SLC9A4: variants seen among roughly 807,000 people sequenced by gnomAD.
SLC9A4 encodes sodium/hydrogen exchanger 4.
In SLC9A4, 63 loss-of-function variants were observed where a neutral mutation model predicts 67.4. The observed-to-expected ratio is 0.93, with a 90% CI of 0.76 to 1.15. The LOEUF (loss-of-function observed/expected upper bound fraction) is 1.15. Among genes scored for constraint, SLC9A4 ranks in the 50% most tolerant of loss-of-function variants. The pLI is 0.00. For synonymous variants in SLC9A4, 393 were observed against 367.2 expected (o/e 1.07, Z -0.80); for missense variants, 1,089 against 987.7 (o/e 1.10, Z -1.38).
At chr2:102,517,662 T>C (rs995436740) in intron 8 of SLC9A4, among the ~76,000 whole-genome samples, 6 of 152,262 alleles carry the variant, frequency 3.9e-5, no homozygotes, top group African/African-American at 7.2e-5. Flanking sequence ...CCAATTACCC[T>C]AATTTAATTA....
At chr2:102,520,573 G>T (rs1054585742) in intron 9 of SLC9A4, among the ~76,000 whole-genome samples, 1 of 152,012 alleles carries the variant, frequency 6.6e-6, no homozygotes, top group Admixed American at 6.6e-5. Context: ...GTCATCTAAC[G>T]AAGTCATATA....
intron 2 of SLC9A4, among the ~76,000 whole-genome samples, chr2:102,486,576 A>C (rs968398435): frequency 6.6e-6 from 1 of 152,202 alleles, no homozygotes; most frequent in Admixed American, 6.5e-5. Flanking sequence ...GATGGGAGCC[A>C]AGAGGAGATA....
chr2:102,476,612 A>T (rs1444064433), intron 1 of SLC9A4, among the ~76,000 whole-genome samples: 2 of 152,112 alleles, frequency 1.3e-5, no homozygotes, highest in African/African-American at 4.8e-5. Context: ...GGGCTCTTCC[A>T]CCTCCTTTAC....
chr2:102,475,382 C>T (rs1053455420), intron 1 of SLC9A4, among the ~76,000 whole-genome samples: 1 of 152,340 alleles, frequency 6.6e-6, no homozygotes, highest in African/African-American at 2.4e-5. Flanking sequence ...AGAAATGGCT[C>T]AAGTCAATCT....
At chr2:102,503,210 A>G (rs1457930033) in intron 2 of SLC9A4, among the ~76,000 whole-genome samples, 1 of 152,234 alleles carries the variant, frequency 6.6e-6, no homozygotes, top group African/African-American at 2.4e-5. Flanking sequence ...TTGCAAAGAG[A>G]CAGGCACGTA....
rs576857345 is a variant in SLC9A4, at chr2:102,492,578, T to G, written c.721-10870T>G. ...AGCAGCTGAGACACACCGTACCATGTCCTAAGGCTGCATAGAGCAGGGGGG... is the reference window on the plus strand; with the variant it reads ...AGCAGCTGAGACACACCGTACCATGGCCTAAGGCTGCATAGAGCAGGGGGG... On this transcript the variant is annotated intron_variant, in intron 2 of 11. Transcript: ENST00000295269. 5.3e-5 allele frequency among the ~76,000 whole-genome samples: 8 copies of G among 152,184 alleles called. No homozygotes were observed. In the South Asian group the frequency reaches 1.7e-3, roughly 32 times the overall value.
intron 11 of SLC9A4, among the ~76,000 whole-genome samples, chr2:102,527,839 T>C (rs1001359964): frequency 6.6e-6 from 1 of 152,206 alleles, no homozygotes; most frequent in Non-Finnish European, 1.5e-5. Flanking sequence ...AAGTTGAACA[T>C]CTTTCACATT....
intron 2 of SLC9A4, among the ~76,000 whole-genome samples, chr2:102,482,715 C>A (rs1057172335): frequency 6.6e-6 from 1 of 152,184 alleles, no homozygotes; most frequent in African/African-American, 2.4e-5. Flanking sequence ...TTATCTGTGA[C>A]AAGACCAGGG....
chr2:102,497,304 A>G (rs7583683), intron 2 of SLC9A4, among the ~76,000 whole-genome samples: 22,071 of 152,068 alleles, frequency 0.15, 1,841 homozygotes, highest in African/African-American at 0.22. Context: ...CTACCTAGCC[A>G]TTGTACTCCT....
intron 4 of SLC9A4, among the ~76,000 whole-genome samples, chr2:102,506,441 T>G (rs1489271359): frequency 2.0e-5 from 3 of 152,222 alleles, no homozygotes; most frequent in Non-Finnish European, 4.4e-5. Context: ...TAGAGGAGAT[T>G]AACAGGAATA....
intron 5 of SLC9A4, 138 bp from the exon 6 acceptor site, chr2:102,508,709 C>A: frequency 1.6e-6 from 1 of 611,656 alleles, no homozygotes; most frequent in Non-Finnish European, 2.8e-6. Context: ...CTGAAATGAA[C>A]ATTGCAGCAT....
intron 11 of SLC9A4, among the ~76,000 whole-genome samples, chr2:102,531,996 C>G (rs550056294): frequency 1.3e-5 from 2 of 152,222 alleles, no homozygotes; most frequent in Non-Finnish European, 2.9e-5. Flanking sequence ...TTGGACAAGA[C>G]CAAGCATCTT....
intron 4 of SLC9A4, among the ~76,000 whole-genome samples, chr2:102,506,987 T>A (rs1430263078): frequency 6.6e-6 from 1 of 152,164 alleles, no homozygotes; most frequent in Non-Finnish European, 1.5e-5. Flanking sequence ...TCATCACAAC[T>A]AATAGTAGTT....
intron 11 of SLC9A4, among the ~76,000 whole-genome samples, chr2:102,528,566 A>C (rs1440933258): frequency 6.6e-6 from 1 of 152,132 alleles, no homozygotes; most frequent in Non-Finnish European, 1.5e-5. Context: ...TGCCTGGACG[A>C]CAGTTATTTC....
At chr2:102,485,568 A>G (rs943003392) in intron 2 of SLC9A4, among the ~76,000 whole-genome samples, 9 of 152,074 alleles carry the variant, frequency 5.9e-5, no homozygotes, top group African/African-American at 1.7e-4. Context: ...ATTTCTCTCC[A>G]TGCCATTCCC....
At chr2:102,490,881 C>G (rs867167820) in intron 2 of SLC9A4, among the ~76,000 whole-genome samples, 2 of 152,192 alleles carry the variant, frequency 1.3e-5, no homozygotes, top group Non-Finnish European at 2.9e-5. Context: ...CAACAGGTCT[C>G]TCCCTTCATA....
rs886960279 is a variant in SLC9A4 at position 102,532,504 on chromosome 2, G to A, written c.2213G>A (p.Gly738Asp). ...QRNTSQEEYL[G>D]GVRRVALRPK... is the part of the protein sequence containing the mutation. ...AACACAAGCCAAGAAGAGTACTTGG[G>A]TGGAGTAAGGAGGGTGGCCTTAAGA... Residue 738 changes from glycine (G) to aspartate (D), a missense_variant, in exon 12 of 12, where the codon GGT (glycine) becomes GAT (aspartate). Physicochemically the swap from Gly to Asp is moderately conservative, Grantham distance 94. Transcript: ENST00000295269. 1.9e-6 allele frequency: 3 copies of A among 1,614,180 alleles called. No homozygotes were observed. The highest frequency in any genetic ancestry group is 1.1e-5 in the South Asian group (1 of 91,082).
At chr2:102,491,006 C>G (rs867749819) in intron 2 of SLC9A4, among the ~76,000 whole-genome samples, 12 of 152,126 alleles carry the variant, frequency 7.9e-5, no homozygotes, top group African/African-American at 2.9e-4. Context: ...GCAAATGCCC[C>G]ATTCTGGAAA....
chr2:102,510,571 T>C (rs568021267), intron 6 of SLC9A4, among the ~76,000 whole-genome samples: 1 of 152,336 alleles, frequency 6.6e-6, no homozygotes, highest in East Asian at 1.9e-4. Context: ...ATCAGATCTA[T>C]AAAATACATT....
Sources: gnomAD v4.1 joint callset for allele counts (sites outside exome capture counted in the v4.1 genomes callset) on GRCh38, gnomAD v4.1.1 for gene constraint, MANE v1.5 for transcripts, NCBI Gene and HGNC (gene_info 2026-07-23, HGNC 2026-07-21) for gene names.